Variants in GSE1 observed in about 807,000 individuals in gnomAD.
GSE1 encodes the protein Gse1 coiled-coil protein, also known as genetic suppressor element 1.
GSE1 carries 32 observed loss-of-function variants against 112.6 expected under a neutral mutation model. The ratio of observed to expected loss-of-function variants is 0.28; its 90% CI spans 0.21 to 0.38. GSE1 has a LOEUF of 0.38. Among genes scored for constraint, GSE1 ranks in the 10% least tolerant of loss-of-function variants. The probability of loss-of-function intolerance (pLI) is 1.00; values close to 1 mark genes in which losing one functional copy is unlikely to be tolerated. For synonymous variants in GSE1, 1,115 were observed against 735.6 expected, an observed-to-expected ratio of 1.52 and a Z score of -8.35; for missense variants, 2,348 against 1,699.2, an observed-to-expected ratio of 1.38 and a Z score of -6.71.
chr16:85,381,699 A>G (rs2151621838), intron 2 of GSE1, among the ~76,000 whole-genome samples: 1 of 152,370 alleles, frequency 6.6e-6, no homozygotes, highest in East Asian at 1.9e-4. Context: ...GTAATTTGGC[A>G]TCAAGGCCAC....
chr16:85,198,083 C>A (rs911021908), intron 1 of GSE1, among the ~76,000 whole-genome samples: 30 of 152,054 alleles, frequency 2.0e-4, no homozygotes, highest in African/African-American at 6.8e-4. Flanking sequence ...CAGGTGTGGC[C>A]CTCAGCGTCC....
intron 2 of GSE1, among the ~76,000 whole-genome samples, chr16:85,527,353 A>G (rs1473000835): frequency 6.6e-6 from 1 of 152,236 alleles, no homozygotes; most frequent in Non-Finnish European, 1.5e-5. Flanking sequence ...AGCCGAAAGG[A>G]CCATGCTGAA....
At chr16:85,309,596 G>A (rs1026530161) in intron 1 of GSE1, among the ~76,000 whole-genome samples, 1 of 152,236 alleles carries the variant, frequency 6.6e-6, no homozygotes, top group African/African-American at 2.4e-5. Context: ...CGTCCTCGAG[G>A]CACGTGGCCC....
rs2151690221 is a variant in GSE1 at position 85,627,383 on chromosome 16, G to T, written c.8-6531G>T. Reference sequence around the variant, plus strand: ...GGTTCTTTCTGAAAGGGTCCAGGGAGCAGACAGTTGAGGCTCACATGAAGA... The same window carrying T: ...GGTTCTTTCTGAAAGGGTCCAGGGATCAGACAGTTGAGGCTCACATGAAGA... On this transcript the variant is annotated intron_variant, in intron 1 of 15. Transcript: ENST00000253458. Among the ~76,000 whole-genome samples the T allele has an allele frequency of 1.3e-5, 2 of 152,204 alleles. 1 individual carries two copies.
At chr16:85,613,246 T>A, upstream of GSE1, 1 of 1,520,060 alleles carries the variant, frequency 6.6e-7, no homozygotes, top group Non-Finnish European at 8.8e-7. Flanking sequence ...AGGTGTTTCT[T>A]GGCCGGGGCC....
chr16:85,503,708 G>A (rs1288278095), intron 2 of GSE1, among the ~76,000 whole-genome samples: 1 of 152,158 alleles, frequency 6.6e-6, no homozygotes, highest in Non-Finnish European at 1.5e-5. Context: ...GGAGAAAAAG[G>A]CAGTGTCGAA....
chr16:85,538,485 G>T (rs1371831646), intron 2 of GSE1, among the ~76,000 whole-genome samples: 3 of 152,152 alleles, frequency 2.0e-5, no homozygotes, highest in African/African-American at 7.2e-5. Flanking sequence ...TTCACCTCCT[G>T]GCATGTACCG....
chr16:85,586,615 C>T (rs1310394174), intron 1 of GSE1, among the ~76,000 whole-genome samples: 1 of 152,240 alleles, frequency 6.6e-6, no homozygotes, highest in African/African-American at 2.4e-5. Context: ...CTACAACGTG[C>T]TCACGGGCCC....
At chr16:85,370,406 A>G (rs1358280634) in intron 2 of GSE1, among the ~76,000 whole-genome samples, 1 of 152,068 alleles carries the variant, frequency 6.6e-6, no homozygotes, top group Non-Finnish European at 1.5e-5. Flanking sequence ...TCTATCCCCA[A>G]ATACACTAAG....
chr16:85,544,641 A>T (rs2044635216), intron 2 of GSE1, among the ~76,000 whole-genome samples: 1 of 152,204 alleles, frequency 6.6e-6, no homozygotes, highest in Non-Finnish European at 1.5e-5. Context: ...TGTTGGCCAG[A>T]GGGCTACATG....
intron 2 of GSE1, among the ~76,000 whole-genome samples, chr16:85,509,066 C>T (rs1354832300): frequency 6.6e-6 from 1 of 152,174 alleles, no homozygotes; most frequent in Admixed American, 6.5e-5. Flanking sequence ...AGGAGGGATC[C>T]AGGTGGCCTC....
rs760332921 is a variant in GSE1, at chr16:85,172,699, G to A, written c.2283+892G>A. ...TCAGTGCGACTTGTTTTAATCAAAC[G>A]CCTGTAGTGGCAGCTGCTGGCCATG... On this transcript the variant is annotated intron_variant, in intron 1 of 2. Transcript: ENST00000637419. Among the ~76,000 whole-genome samples the A allele has an allele frequency of 3.4e-4, 51 of 152,224 alleles. 1 individual carries two copies. Among genetic ancestry groups the A allele is most frequent in the Non-Finnish European group, 6.2e-4 (42 of 68,042 alleles).
chr16:85,344,630 C>T (rs868666017), intron 1 of GSE1, among the ~76,000 whole-genome samples: 11 of 152,332 alleles, frequency 7.2e-5, no homozygotes, highest in East Asian at 1.9e-4. Flanking sequence ...TTGGCCCTTG[C>T]GGCTGCCCCA....
intron 13 of GSE1, chr16:85,666,649 G>A (rs2052887045): frequency 2.6e-6 from 1 of 389,408 alleles, no homozygotes; most frequent in East Asian, 5.6e-5. Context: ...ATTGGTTTTT[G>A]CAGAGATTAA....
At chr16:85,337,295 T>C (rs886905735) in intron 1 of GSE1, among the ~76,000 whole-genome samples, 2 of 149,194 alleles carry the variant, frequency 1.3e-5, no homozygotes, top group African/African-American at 2.5e-5. Context: ...ACTTTTTTTT[T>C]TCTTTTCTTT....
chr16:85,612,233 G>C (rs996053642), upstream of GSE1, among the ~76,000 whole-genome samples: 1 of 148,368 alleles, frequency 6.7e-6, no homozygotes, highest in Non-Finnish European at 1.5e-5. Flanking sequence ...CGCCCGCCGC[G>C]ATGGGGTGGG....
At chr16:85,259,710 C>T (rs1907467849) in intron 1 of GSE1, among the ~76,000 whole-genome samples, 1 of 152,204 alleles carries the variant, frequency 6.6e-6, no homozygotes, top group Non-Finnish European at 1.5e-5. Context: ...CAGGGCTGTG[C>T]CCCTGCCCGT....
At chr16:85,492,830 G>T (rs1416359216) in intron 2 of GSE1, among the ~76,000 whole-genome samples, 2 of 152,178 alleles carry the variant, frequency 1.3e-5, no homozygotes, top group Non-Finnish European at 2.9e-5. Context: ...GATCACACAT[G>T]TTCATCCTAG....
chr16:85,388,578 G>A (rs1376791748), intron 2 of GSE1, among the ~76,000 whole-genome samples: 1 of 151,346 alleles, frequency 6.6e-6, no homozygotes, highest in Non-Finnish European at 1.5e-5. Context: ...ATGGGTGAGT[G>A]GATGGGTGGG....
Sources: gnomAD v4.1 joint callset for allele counts (sites outside exome capture counted in the v4.1 genomes callset) on GRCh38, gnomAD v4.1.1 for gene constraint, MANE v1.5 for transcripts, NCBI Gene and HGNC (gene_info 2026-07-23, HGNC 2026-07-21) for gene names.